Variants in ADAM12 observed in about 807,000 individuals in gnomAD.
The protein encoded by ADAM12 is ADAM metallopeptidase domain 12.
ADAM12 carries 70 observed loss-of-function variants against 106.4 expected under a neutral mutation model. That is an observed-to-expected ratio of 0.66 (90% CI 0.54 to 0.80). ADAM12 has a LOEUF of 0.80. ADAM12 is among the 30% of genes least tolerant of loss of function. The pLI, the probability that ADAM12 is intolerant of heterozygous loss-of-function variation, is 0.00. For synonymous variants in ADAM12, 420 were observed against 433.5 expected (o/e 0.97, Z 0.39); for missense variants, 1,010 against 1,171.9 (o/e 0.86, Z 2.02).
At chr10:126,248,792 G>A (rs1209582764) in intron 3 of ADAM12, among the ~76,000 whole-genome samples, 2 of 151,948 alleles carry the variant, frequency 1.3e-5, no homozygotes, top group Admixed American at 6.6e-5. Flanking sequence ...TGTAACCTCC[G>A]CCTCCTGGGT....
intron 3 of ADAM12, among the ~76,000 whole-genome samples, chr10:126,201,424 C>T (rs984870884): frequency 1.8e-4 from 28 of 151,968 alleles, no homozygotes; most frequent in African/African-American, 5.3e-4. Flanking sequence ...GTTGTTGCCA[C>T]GAGCCAAAAA....
At chr10:126,086,114 C>T (rs1006060) in intron 11 of ADAM12, among the ~76,000 whole-genome samples, 14,609 of 152,178 alleles carry the variant, frequency 0.096, 940 homozygotes, top group African/African-American at 0.17. Context: ...GGAAAGCATT[C>T]TCTGCTGTTG....
At chr10:126,154,810 T>G (rs1419276709) in intron 4 of ADAM12, among the ~76,000 whole-genome samples, 1 of 152,208 alleles carries the variant, frequency 6.6e-6, no homozygotes, top group East Asian at 1.9e-4. Context: ...ACATTGTGGA[T>G]ACATTCAGAA....
intron 1 of ADAM12, among the ~76,000 whole-genome samples, chr10:126,386,686 T>C (rs1467613180): frequency 3.9e-5 from 6 of 152,222 alleles, no homozygotes; most frequent in African/African-American, 1.4e-4. Context: ...AAAAAAAAAT[T>C]TGTCCCTGCT....
At chr10:126,379,643 T>C (rs1039163751) in intron 1 of ADAM12, among the ~76,000 whole-genome samples, 1 of 152,114 alleles carries the variant, frequency 6.6e-6, no homozygotes, top group Non-Finnish European at 1.5e-5. Flanking sequence ...TGTATACCTA[T>C]GTAACAAAAC....
intron 4 of ADAM12, among the ~76,000 whole-genome samples, chr10:126,144,120 G>A (rs17154317): frequency 0.21 from 32,339 of 152,138 alleles, 3,615 homozygotes; most frequent in South Asian, 0.3. Flanking sequence ...TCATTTTGCT[G>A]TGCTAGAATT....
chr10:126,220,826 C>T (rs1291031584), intron 3 of ADAM12, among the ~76,000 whole-genome samples: 1 of 152,252 alleles, frequency 6.6e-6, no homozygotes, highest in Non-Finnish European at 1.5e-5. Flanking sequence ...CTGGCAGCAT[C>T]TGTGTCCCTC....
At position 126,213,286 on chromosome 10, in the gene ADAM12, T is replaced by A. The variant is rs539692858; in HGVS notation, c.261-57981A>T. Reference sequence around the variant, plus strand: ...AGGTTTTCGTTTTCACTTGACAACATAAATTTAGATCATCCATGAGGGGAT... The same window carrying A: ...AGGTTTTCGTTTTCACTTGACAACAAAAATTTAGATCATCCATGAGGGGAT... On this transcript the variant is annotated intron_variant, in intron 3 of 22. Transcript: ENST00000448723. Among the ~76,000 whole-genome samples the A allele has an allele frequency of 2.2e-4, 33 of 152,332 alleles. 1 individual carries two copies. The South Asian group carries it at 6.8e-3, about 32-fold the overall frequency.
chr10:126,253,529 T>C (rs1481286705), intron 3 of ADAM12, among the ~76,000 whole-genome samples: 1 of 152,242 alleles, frequency 6.6e-6, no homozygotes, highest in Non-Finnish European at 1.5e-5. Flanking sequence ...GAAAACTAGC[T>C]AATGGCAGTG....
intron 3 of ADAM12, among the ~76,000 whole-genome samples, chr10:126,222,182 T>G (rs1175256870): frequency 6.6e-6 from 1 of 152,156 alleles, no homozygotes; most frequent in Non-Finnish European, 1.5e-5. Context: ...TGGCTAGCCT[T>G]TAGGATTACT....
At chr10:126,227,491 C>A (rs2133863177) in intron 3 of ADAM12, among the ~76,000 whole-genome samples, 1 of 152,308 alleles carries the variant, frequency 6.6e-6, no homozygotes, top group Admixed American at 6.5e-5. Context: ...TCAAGTAGCA[C>A]ACTTTTTTCA....
intron 3 of ADAM12, among the ~76,000 whole-genome samples, chr10:126,236,150 A>C (rs1034464035): frequency 2.0e-5 from 3 of 152,230 alleles, no homozygotes; most frequent in Non-Finnish European, 4.4e-5. Flanking sequence ...CTTGGGAGCA[A>C]AGAAGCCAGG....
At chr10:126,317,165 C>T (rs548603788) in intron 2 of ADAM12, among the ~76,000 whole-genome samples, 2 of 152,216 alleles carry the variant, frequency 1.3e-5, no homozygotes, top group East Asian at 3.9e-4. Flanking sequence ...TGCAATTGAG[C>T]GAATCCACCC....
chr10:126,350,166 A>G (rs1350714622), intron 1 of ADAM12, among the ~76,000 whole-genome samples: 1 of 152,230 alleles, frequency 6.6e-6, no homozygotes, highest in Non-Finnish European at 1.5e-5. Context: ...ACTAAAACAA[A>G]GCAGCATCCA....
At chr10:126,107,907 G>T (rs1955803621) in intron 8 of ADAM12, among the ~76,000 whole-genome samples, 1 of 152,188 alleles carries the variant, frequency 6.6e-6, no homozygotes, top group Non-Finnish European at 1.5e-5. Flanking sequence ...ATACACTGAG[G>T]AAGGACAGGT....
Position 126,206,858 on chromosome 10 carries a change from G to GGT in ADAM12, c.261-51554_261-51553insAC, listed in dbSNP as rs1565138231. Among the ~76,000 whole-genome samples, 80 of 139,172 alleles carry GGT rather than the reference G, an allele frequency of 5.7e-4. 12 individuals carry two copies. The highest frequency in any genetic ancestry group is 7.4e-3 in the Middle Eastern group (2 of 270). The allele number at this position is 139,172 out of a possible 152,430, so 91.3% of individuals were successfully genotyped here. ...TCCCTGAATTCCCATGTGTTGTGGG[G>GGT]GCGGGGGGGAGCCAGTGGGAGGTAA... On this transcript the variant is annotated intron_variant, in intron 3 of 22. Coordinates refer to ENST00000448723, the MANE Select transcript of ADAM12 (RefSeq NM_001288973.2).
At chr10:126,208,490 A>G (rs1195704644) in intron 3 of ADAM12, among the ~76,000 whole-genome samples, 1 of 152,246 alleles carries the variant, frequency 6.6e-6, no homozygotes, top group Non-Finnish European at 1.5e-5. Flanking sequence ...CACAAGCACA[A>G]ATAAATGTGG....
intron 19 of ADAM12, among the ~76,000 whole-genome samples, chr10:126,038,952 CTTTTTTTTTTTTTTTT>C (rs34277276): frequency 1.4e-5 from 1 of 71,542 alleles, no homozygotes; most frequent in Non-Finnish European, 2.5e-5. Flanking sequence ...GACACCATTT[CTTTTTTTTTTTTTTTT>C]TTTTTTTTTG....
chr10:126,318,702 TAA>T (rs1360925808), intron 2 of ADAM12, among the ~76,000 whole-genome samples: 3 of 152,250 alleles, frequency 2.0e-5, no homozygotes, highest in Middle Eastern at 3.4e-3. Context: ...ATAAAATAAA[TAA>T]GAGTATTGGA....
Sources: gnomAD v4.1 joint callset for allele counts (sites outside exome capture counted in the v4.1 genomes callset) on GRCh38, gnomAD v4.1.1 for gene constraint, MANE v1.5 for transcripts, NCBI Gene and HGNC (gene_info 2026-07-23, HGNC 2026-07-21) for gene names.